The following ZNF827 variants were observed in gnomAD, a reference collection of about 807,000 sequenced individuals.
The protein encoded by ZNF827 is zinc finger protein 827.
In ZNF827, 13 loss-of-function variants were observed where a neutral mutation model predicts 102.4. That is an observed-to-expected ratio of 0.13 (90% CI 0.08 to 0.20). The LOEUF (loss-of-function observed/expected upper bound fraction) is 0.20, where lower values mean the gene tolerates loss of function less well. Among genes scored for constraint, ZNF827 ranks in the 10% least tolerant of loss-of-function variants. The pLI is 1.00. For synonymous variants in ZNF827, 523 were observed against 536.2 expected (o/e 0.98, Z 0.34); for missense variants, 1,103 against 1,344.4 (o/e 0.82, Z 2.81).
At chr4:145,778,385 T>G (rs974631134) in intron 9 of ZNF827, among the ~76,000 whole-genome samples, 3 of 152,202 alleles carry the variant, frequency 2.0e-5, no homozygotes, top group African/African-American at 7.2e-5. Flanking sequence ...CCACCTGCCT[T>G]GGCCTCCCAA....
chr4:145,911,313 C>T (rs975275713), intron 1 of ZNF827, among the ~76,000 whole-genome samples: 15 of 152,130 alleles, frequency 9.9e-5, no homozygotes, highest in African/African-American at 3.1e-4. Context: ...AACAGCTGTG[C>T]CATCAAGGAA....
At chr4:145,774,467 TG>T in intron 11 of ZNF827, 38 bp downstream of exon 11, 1 of 1,585,010 alleles carries the variant, frequency 6.3e-7, no homozygotes, top group Non-Finnish European at 8.6e-7. Flanking sequence ...GTGCAGGGGA[TG>T]GAGAAGGAGT....
intron 8 of ZNF827, among the ~76,000 whole-genome samples, chr4:145,805,469 TTAAC>T (rs1220086564): frequency 2.0e-5 from 3 of 152,132 alleles, no homozygotes; most frequent in African/African-American, 7.2e-5. Flanking sequence ...CCATCAATAA[TTAAC>T]TAATTATTAA....
intron 4 of ZNF827, 42 bp downstream of exon 4, chr4:145,885,633 AGAG>A: frequency 1.3e-6 from 2 of 1,503,366 alleles, no homozygotes; most frequent in Non-Finnish European, 1.8e-6. Flanking sequence ...AGAGAGAGAG[AGAG>A]AGAGAGAGAG....
At chr4:145,775,350 G>A (rs764641291) in intron 10 of ZNF827, among the ~76,000 whole-genome samples, 41 of 152,004 alleles carry the variant, frequency 2.7e-4, no homozygotes, top group Non-Finnish European at 5.1e-4. Context: ...ACATACTAAA[G>A]TGTGATACAA....
At chr4:145,874,159 G>C (rs750374226) in intron 4 of ZNF827, among the ~76,000 whole-genome samples, 2 of 152,128 alleles carry the variant, frequency 1.3e-5, no homozygotes, top group Non-Finnish European at 2.9e-5. Flanking sequence ...GGGGAAAAAA[G>C]TAAAGATATT....
chr4:145,864,959 T>C (rs980879607), intron 5 of ZNF827, among the ~76,000 whole-genome samples: 3 of 152,240 alleles, frequency 2.0e-5, no homozygotes, highest in African/African-American at 7.2e-5. Context: ...TGCTAGACCA[T>C]AATTTTCCAA....
At chr4:145,866,544 A>C (rs1015412754) in intron 5 of ZNF827, among the ~76,000 whole-genome samples, 1 of 152,252 alleles carries the variant, frequency 6.6e-6, no homozygotes. Flanking sequence ...GTGAGCACAG[A>C]AATTTTTAAA....
rs753871228 is a variant in ZNF827, at chr4:145,849,343, C to G, written c.2200G>C (p.Glu734Gln). Residue 734 changes from glutamate (E) to glutamine (Q), a missense_variant, in exon 6 of 15, where the codon GAG becomes CAG. Around this residue, in one of 5 missense-constraint regions of ZNF827, gnomAD observed 243 missense variants for 251.6 expected, o/e 0.97. Coordinates refer to ENST00000508784, the MANE Select transcript of ZNF827 (RefSeq NM_001306215.2). ...SQDISVKMAS[E>Q]LLFQLSEKVS... is the part of the protein sequence containing the mutation. ...ATACCTGACAGTTGAAAGAGGAGCT[C>G]GGAAGCCATTTTCACAGAGATATCC... The G allele has an allele frequency of 3.7e-6, 6 of 1,613,950 alleles. No individual in the cohort carries two copies. The highest frequency in any genetic ancestry group is 5.1e-6 in the Non-Finnish European group (6 of 1,179,982).
rs781099231 is a variant in ZNF827 at position 145,789,324 on chromosome 4, CATAA to C, written c.2384-9817_2384-9814del. On this transcript the variant is annotated intron_variant, in intron 8 of 14. Coordinates refer to ENST00000508784, the MANE Select transcript of ZNF827 (RefSeq NM_001306215.2). ...TTCCAACAGATAAAGACTTAAAGTG[CATAA>C]ATAGTTTCATCCAATTTTGGCAGTT... Among the ~76,000 whole-genome samples, 14 of 152,180 alleles carry C rather than the reference CATAA, an allele frequency of 9.2e-5. No homozygotes were observed. In the South Asian group the frequency reaches 2.5e-3, roughly 27 times the overall value.
chr4:145,903,644 G>A (rs1370024188), intron 1 of ZNF827, among the ~76,000 whole-genome samples: 1 of 152,148 alleles, frequency 6.6e-6, no homozygotes, highest in Non-Finnish European at 1.5e-5. Flanking sequence ...ACAGACAGTG[G>A]GAAGCGCTTC....
At chr4:145,785,178 C>G (rs1220526115) in intron 8 of ZNF827, among the ~76,000 whole-genome samples, 1 of 152,140 alleles carries the variant, frequency 6.6e-6, no homozygotes, top group Non-Finnish European at 1.5e-5. Context: ...TTAGCAATCC[C>G]AAAACAAGGC....
intron 8 of ZNF827, among the ~76,000 whole-genome samples, chr4:145,785,490 G>A (rs1738718937): frequency 6.6e-6 from 1 of 152,066 alleles, no homozygotes; most frequent in South Asian, 2.1e-4. Context: ...ATTTTCAGGA[G>A]GATAAAAATG....
At chr4:145,901,020 T>C (rs1751365737) in intron 2 of ZNF827, among the ~76,000 whole-genome samples, 1 of 152,222 alleles carries the variant, frequency 6.6e-6, no homozygotes, top group Non-Finnish European at 1.5e-5. Flanking sequence ...TGTCTTCTGC[T>C]GTTGACTCAA....
chr4:145,772,021 T>G (rs1471805060), intron 11 of ZNF827, among the ~76,000 whole-genome samples: 2 of 152,180 alleles, frequency 1.3e-5, no homozygotes, highest in African/African-American at 4.8e-5. Context: ...TATGGTACCA[T>G]AGGGTCTAGA....
chr4:145,891,066 C>T (rs1408766134), intron 3 of ZNF827, among the ~76,000 whole-genome samples: 1 of 152,170 alleles, frequency 6.6e-6, no homozygotes, highest in Non-Finnish European at 1.5e-5. Context: ...TATGTCCATA[C>T]ATTATACTTC....
rs947624021 is a variant in ZNF827 at position 145,760,944 on chromosome 4, G to A, written c.*672C>T. On this transcript the variant is annotated 3_prime_UTR_variant, in exon 15 of 15. Coordinates refer to ENST00000508784, the MANE Select transcript of ZNF827 (RefSeq NM_001306215.2). Reference sequence around the variant, plus strand: ...AGGGAATGAGATGGGCAAAATCTGAGTTCCGGTACTTGTCAAAGCGCAAAG... The same window carrying A: ...AGGGAATGAGATGGGCAAAATCTGAATTCCGGTACTTGTCAAAGCGCAAAG... 1.3e-5 allele frequency: 16 copies of A among 1,232,740 alleles called. No individual in the cohort carries two copies. In the African/African-American group the frequency reaches 2.4e-4, roughly 18 times the overall value. The allele number at this position is 1,232,740 out of a possible 1,614,324, so 76.4% of individuals were successfully genotyped here.
chr4:145,907,049 T>C (rs554325243), intron 1 of ZNF827: 4 of 456,464 alleles, frequency 8.8e-6, no homozygotes, highest in Non-Finnish European at 1.8e-5. Flanking sequence ...CTGAAATTAT[T>C]CTGGCAATAC....
At chr4:145,846,919 C>T (rs1185974210) in intron 6 of ZNF827, among the ~76,000 whole-genome samples, 2 of 147,666 alleles carry the variant, frequency 1.4e-5, no homozygotes, top group East Asian at 2.0e-4. Flanking sequence ...TTTGGGAGGC[C>T]GAGGCAGGTG....
Sources: gnomAD v4.1 joint callset for allele counts (sites outside exome capture counted in the v4.1 genomes callset) on GRCh38, gnomAD v4.1.1 for gene constraint, gnomAD v4.1.1 regional missense constraint, MANE v1.5 for transcripts, NCBI Gene and HGNC (gene_info 2026-07-23, HGNC 2026-07-21) for gene names.